Variants in PARD3B observed in about 807,000 individuals in gnomAD.
PARD3B encodes the protein partitioning defective 3 homolog B.
Under a neutral mutation model 130.2 loss-of-function variants are expected in PARD3B, and 103 were observed. The observed-to-expected ratio is 0.79, with a 90% CI of 0.67 to 0.93. PARD3B has a LOEUF of 0.93. Ranked by LOEUF, PARD3B falls within the 40% of genes least tolerant of loss-of-function variation. The pLI is 0.00. For missense variants in PARD3B, 1,609 were observed against 1,499.2 expected, an observed-to-expected ratio of 1.07 and a Z score of -1.21; for synonymous variants, 583 against 553.2, an observed-to-expected ratio of 1.05 and a Z score of -0.76.
rs115266263 is a variant in PARD3B at position 205,451,157 on chromosome 2, G to C, written c.3044+10485G>C. Among the ~76,000 whole-genome samples, 848 of 152,290 alleles carry C rather than the reference G, an allele frequency of 5.6e-3. 4 individuals are homozygous for C. The highest frequency in any genetic ancestry group is 9.4e-3 in the Non-Finnish European group (642 of 68,036). On this transcript the variant is annotated intron_variant, in intron 20 of 22. Coordinates refer to ENST00000406610, the MANE Select transcript of PARD3B (RefSeq NM_001302769.2). ...CTCTCTTGCCTTTCCCAGTGGCAAA[G>C]CCTCTTCTTCATGTTGCATCATGAT...
At chr2:205,331,265 CCACACACACA>C (rs56170026) in intron 18 of PARD3B, among the ~76,000 whole-genome samples, 43 of 148,724 alleles carry the variant, frequency 2.9e-4, no homozygotes, top group Admixed American at 4.7e-4. Context: ...CACATATATT[CCACACACACA>C]CACACACACA....
chr2:205,293,849 A>G (rs1006819831), intron 16 of PARD3B: 3 of 152,140 alleles, frequency 2.0e-5, no homozygotes, highest in Non-Finnish European at 2.9e-5. Flanking sequence ...TTTTTCCTAC[A>G]ACAAATATTT....
intron 16 of PARD3B, among the ~76,000 whole-genome samples, chr2:205,246,285 G>A (rs896779656): frequency 1.1e-4 from 16 of 148,846 alleles, no homozygotes; most frequent in African/African-American, 4.0e-4. Flanking sequence ...TTCCAGGGAT[G>A]TATGCATTAT....
chr2:204,949,877 A>G (rs1314251165), intron 2 of PARD3B, among the ~76,000 whole-genome samples: 1 of 152,092 alleles, frequency 6.6e-6, no homozygotes, highest in African/African-American at 2.4e-5. Flanking sequence ...GATTATTTCT[A>G]ATTAGAACAT....
intron 2 of PARD3B, among the ~76,000 whole-genome samples, chr2:204,766,965 C>CTTTTTTTTTTTTTTTTTTTCTTTTTT (rs68009060): frequency 8.7e-6 from 1 of 114,486 alleles, no homozygotes; most frequent in African/African-American, 3.4e-5. Flanking sequence ...TTTTCTTTTT[C>CTTTTTTTTTTTTTTTTTTTCTTTTTT]TTTTTTTTTT....
chr2:204,849,599 A>C (rs1039556929), intron 2 of PARD3B, among the ~76,000 whole-genome samples: 20 of 152,232 alleles, frequency 1.3e-4, no homozygotes, highest in African/African-American at 4.6e-4. Flanking sequence ...TAATTTGCAT[A>C]ATCTTTAAAA....
Position 205,183,989 on chromosome 2 carries a change from AG to A in PARD3B, c.1925-1774del, listed in dbSNP as rs2035949978. Among the ~76,000 whole-genome samples, 2 of 149,214 alleles carry A rather than the reference AG, an allele frequency of 1.3e-5. No homozygotes were observed. Among genetic ancestry groups the A allele is most frequent in the South Asian group, 4.3e-4 (2 of 4,654 alleles). On this transcript the variant is annotated intron_variant, in intron 13 of 22. Transcript: ENST00000406610. The surrounding 1 kb of genome is among the most constrained non-coding windows in gnomAD (Gnocchi z 5.2). ...AACTGATGTTTCCGTTTGGGTCTGA[AG>A]ATAGAAAAAAGCCAATGTCCCATGT...
intron 4 of PARD3B, among the ~76,000 whole-genome samples, chr2:205,061,787 T>C (rs1398022850): frequency 6.6e-6 from 1 of 150,438 alleles, no homozygotes; most frequent in African/African-American, 2.5e-5. Context: ...GCAAGTTCTT[T>C]TAATTTCAAA....
chr2:204,992,516 C>T (rs961216814), intron 3 of PARD3B, among the ~76,000 whole-genome samples: 5 of 147,934 alleles, frequency 3.4e-5, no homozygotes, highest in African/African-American at 1.3e-4. Flanking sequence ...TAGTGTGATG[C>T]CTCCAGCTTT....
chr2:204,601,991 A>G (rs1453185786), intron 1 of PARD3B, among the ~76,000 whole-genome samples: 1 of 152,002 alleles, frequency 6.6e-6, no homozygotes, highest in African/African-American at 2.4e-5. Flanking sequence ...GACTTTAGAC[A>G]TGGAAGAGGC....
At chr2:204,598,377 A>G (rs2033379777) in intron 1 of PARD3B, among the ~76,000 whole-genome samples, 1 of 152,144 alleles carries the variant, frequency 6.6e-6, no homozygotes, top group Non-Finnish European at 1.5e-5. Flanking sequence ...TGTTGTACAT[A>G]TCCTTTAGAA....
rs972574637 is a variant in PARD3B, at chr2:205,274,106, A to T, written c.2186-26424A>T. Among the ~76,000 whole-genome samples the T allele has an allele frequency of 7.9e-5, 12 of 152,182 alleles. No individual in the cohort carries two copies. Among genetic ancestry groups the T allele is most frequent in the Middle Eastern group, 3.4e-3 (1 of 294 alleles). ...AGATCTGGACAAATATAGTTTTTTT[A>T]AAAAAAGTCTATTTTATTTTCCCTC... On this transcript the variant is annotated intron_variant, in intron 16 of 22. Coordinates refer to ENST00000406610, the MANE Select transcript of PARD3B (RefSeq NM_001302769.2). This position sits in a 1 kb window ranked among gnomAD's most constrained non-coding sequence, Gnocchi z 4.2.
At chr2:204,801,296 A>T (rs1028947657) in intron 2 of PARD3B, among the ~76,000 whole-genome samples, 1 of 152,186 alleles carries the variant, frequency 6.6e-6, no homozygotes, top group African/African-American at 2.4e-5. Context: ...TCTATAAATT[A>T]CTTTGGGCAG....
intron 18 of PARD3B, among the ~76,000 whole-genome samples, chr2:205,390,645 G>T (rs1018659728): frequency 3.3e-5 from 5 of 151,974 alleles, no homozygotes; most frequent in Non-Finnish European, 2.9e-5. Context: ...TAGAAAATGT[G>T]CCCTGTTTCT....
At chr2:205,450,044 C>T (rs1347368842) in intron 20 of PARD3B, among the ~76,000 whole-genome samples, 1 of 152,132 alleles carries the variant, frequency 6.6e-6, no homozygotes, top group Non-Finnish European at 1.5e-5. Context: ...TTTTCAAAGC[C>T]TGATTTCTCA....
rs72047782 is a variant in PARD3B at position 205,366,668 on chromosome 2, CT to C, written c.2631-34335del. Reference sequence around the variant, plus strand: ...GTCTCCTCTCAAGCCTAAATTCACACTTTTTTTTTTCTTTAACTGTGACTGA... The same window carrying C: ...GTCTCCTCTCAAGCCTAAATTCACACTTTTTTTTTCTTTAACTGTGACTGA... On this transcript the variant is annotated intron_variant, in intron 18 of 22. Transcript: ENST00000406610. This position sits in a 1 kb window ranked among gnomAD's most constrained non-coding sequence, Gnocchi z 5.0. Among the ~76,000 whole-genome samples, 4,041 of 150,566 alleles carry C rather than the reference CT, an allele frequency of 0.027. 184 individuals carry two copies. Among genetic ancestry groups the C allele is most frequent in the African/African-American group, 0.093 (3,809 of 41,144 alleles).
At chr2:205,437,246 G>T (rs1025109908) in intron 19 of PARD3B, among the ~76,000 whole-genome samples, 2 of 152,244 alleles carry the variant, frequency 1.3e-5, no homozygotes, top group East Asian at 3.9e-4. Context: ...TCAAGTGTTT[G>T]TTCACATAGA....
intron 14 of PARD3B, among the ~76,000 whole-genome samples, chr2:205,191,954 A>G (rs1197914669): frequency 2.0e-5 from 3 of 152,170 alleles, no homozygotes; most frequent in African/African-American, 7.2e-5. Flanking sequence ...CCTAGACTCA[A>G]GTGATCCTCC....
rs1386578353 is a variant in PARD3B, at chr2:205,244,989, A to G, written c.2141-789A>G. Among the ~76,000 whole-genome samples, 3 of 152,170 alleles carry G rather than the reference A, an allele frequency of 2.0e-5. No individual in the cohort carries two copies. Among genetic ancestry groups the G allele is most frequent in the Non-Finnish European group, 1.5e-5 (1 of 68,044 alleles). On this transcript the variant is annotated intron_variant, in intron 15 of 22. Coordinates refer to ENST00000406610, the MANE Select transcript of PARD3B (RefSeq NM_001302769.2). This position sits in a 1 kb window ranked among gnomAD's most constrained non-coding sequence, Gnocchi z 4.7. ...GGGTTAATTTTCTTACACACATATG[A>G]TCATCAGTATTCAACTACATATATG...
Sources: allele counts gnomAD v4.1 joint callset (sites outside exome capture counted in the v4.1 genomes callset), GRCh38; gene constraint gnomAD v4.1.1; non-coding constraint Gnocchi (gnomAD v3.1); transcripts MANE v1.5; gene names NCBI Gene and HGNC (gene_info 2026-07-23, HGNC 2026-07-21).